LIN54: variants seen among roughly 807,000 people sequenced by gnomAD.
LIN54 encodes lin-54 DREAM MuvB core complex component.
A neutral mutation model predicts 78.7 loss-of-function variants in LIN54; 9 were observed. The ratio of observed to expected loss-of-function variants is 0.11; its 90% CI spans 0.07 to 0.20. The LOEUF (loss-of-function observed/expected upper bound fraction) is 0.20, where lower values mean the gene tolerates loss of function less well. Ranked by LOEUF, LIN54 falls within the 10% of genes least tolerant of loss-of-function variation. The probability of loss-of-function intolerance (pLI) is 1.00; values close to 1 mark genes in which losing one functional copy is unlikely to be tolerated. For missense variants in LIN54, 573 were observed against 889.9 expected (o/e 0.64, Z 4.53); for synonymous variants, 269 against 318.4 (o/e 0.84, Z 1.65).
At chr4:83,001,067 C>A (rs1578656606) in intron 1 of LIN54, among the ~76,000 whole-genome samples, 1 of 152,168 alleles carries the variant, frequency 6.6e-6, no homozygotes, top group African/African-American at 2.4e-5. Flanking sequence ...ATCTGCCCAC[C>A]TTGGCCTCCC....
At chr4:82,946,550 T>C in intron 4 of LIN54, 76 bp from the exon 5 acceptor site, 1 of 1,182,302 alleles carries the variant, frequency 8.5e-7, no homozygotes, top group Non-Finnish European at 1.2e-6. Flanking sequence ...TAACCATTGC[T>C]CAAGTTGTAA....
upstream of LIN54, chr4:83,012,019 C>T: frequency 1.0e-5 from 10 of 985,264 alleles, no homozygotes; most frequent in Non-Finnish European, 1.2e-5. Context: ...ATTTCCCTAC[C>T]TTGTTTCAAT....
chr4:82,994,131 T>A (rs1727986358), intron 1 of LIN54, among the ~76,000 whole-genome samples: 2 of 152,140 alleles, frequency 1.3e-5, no homozygotes, highest in African/African-American at 4.8e-5. Flanking sequence ...TTCCATTAAT[T>A]TCAATACGTT....
chr4:82,925,665 T>TA lies in LIN54; in HGVS notation c.*2436dup, dbSNP rs1721406001. Reference sequence around the variant, plus strand: ...ATAATTTAAAAGGTTTTTTGCATATTAAATGGTTAATAAAGTGGTGTTATT... The same window carrying TA: ...ATAATTTAAAAGGTTTTTTGCATATTAAAATGGTTAATAAAGTGGTGTTATT... On this transcript the variant is annotated 3_prime_UTR_variant, in exon 13 of 13. Transcript: ENST00000340417. The TA allele has an allele frequency of 6.6e-6, 1 of 152,658 alleles. No individual in the cohort carries two copies. Among genetic ancestry groups the TA allele is most frequent in the Non-Finnish European group, 1.5e-5 (1 of 68,040 alleles). 9.5% of individuals were successfully genotyped at this position (152,658 alleles called of 1,614,324 possible).
rs1231072515 is a variant in LIN54, at chr4:82,970,283, A to G, written c.951+44T>C. On this transcript the variant is annotated intron_variant, in intron 4 of 12. Coordinates refer to ENST00000340417, the MANE Select transcript of LIN54 (RefSeq NM_194282.4). ...AAGTGACTAGTAAGAAAATAAAGGC[A>G]TCAACCACAATATTTGGTATTTGTG... is the stretch of plus-strand genomic sequence containing the variant. The G allele has an allele frequency of 3.2e-6, 5 of 1,576,356 alleles. No individual in the cohort carries two copies. The East Asian group carries it at 1.1e-4, about 35-fold the overall frequency.
At chr4:82,947,273 C>T (rs1408836440) in intron 4 of LIN54, among the ~76,000 whole-genome samples, 2 of 118,062 alleles carry the variant, frequency 1.7e-5, no homozygotes, top group Non-Finnish European at 3.3e-5. Flanking sequence ...CATTCTGTCA[C>T]CCAGGCTGGA....
chr4:82,932,686 A>G (rs1722064755), intron 11 of LIN54, among the ~76,000 whole-genome samples: 2 of 150,926 alleles, frequency 1.3e-5, no homozygotes, highest in Admixed American at 6.6e-5. Flanking sequence ...TTAGCCAGGC[A>G]TGGTGGCACA....
intron 3 of LIN54, among the ~76,000 whole-genome samples, chr4:82,975,746 CA>C (rs1050715011): frequency 2.0e-5 from 3 of 149,812 alleles, no homozygotes; most frequent in Non-Finnish European, 3.0e-5. Context: ...AACAAAAAAA[CA>C]AAAAAAACTA....
intron 7 of LIN54, among the ~76,000 whole-genome samples, chr4:82,938,923 T>A (rs1004708014): frequency 6.6e-6 from 1 of 152,216 alleles, no homozygotes; most frequent in South Asian, 2.1e-4. Context: ...AATAGTTGAG[T>A]TTCTATTTTA....
intron 1 of LIN54, among the ~76,000 whole-genome samples, chr4:82,987,290 CA>C (rs1727236657): frequency 2.0e-5 from 3 of 152,002 alleles, no homozygotes; most frequent in Admixed American, 2.0e-4. Context: ...GACTTTGTCT[CA>C]AAAATTTTTT....
chr4:82,966,917 T>C (rs2126067174), intron 4 of LIN54, among the ~76,000 whole-genome samples: 1 of 151,334 alleles, frequency 6.6e-6, no homozygotes, highest in African/African-American at 2.4e-5. Context: ...CCCCGACATC[T>C]GAATCTTTTT....
At chr4:82,948,879 T>C (rs1723619054) in intron 4 of LIN54, among the ~76,000 whole-genome samples, 3 of 152,230 alleles carry the variant, frequency 2.0e-5, no homozygotes, top group Admixed American at 2.0e-4. Flanking sequence ...TTGAATAATA[T>C]TTTATTTTAT....
At chr4:82,931,495 T>C (rs899465326) in intron 11 of LIN54, among the ~76,000 whole-genome samples, 1 of 152,210 alleles carries the variant, frequency 6.6e-6, no homozygotes, top group Admixed American at 6.5e-5. Flanking sequence ...GCCACCTCAA[T>C]CAAATCATCA....
chr4:82,976,318 T>A, intron 3 of LIN54, among the ~76,000 whole-genome samples: 1 of 147,410 alleles, frequency 6.8e-6, no homozygotes, highest in African/African-American at 2.5e-5. Context: ...TACACAAATA[T>A]AAAATCATCT....
chr4:82,967,857 T>C (rs537299972), intron 4 of LIN54, among the ~76,000 whole-genome samples: 1 of 152,194 alleles, frequency 6.6e-6, no homozygotes, highest in South Asian at 2.1e-4. Flanking sequence ...GAAGACAAAA[T>C]CAGAAAGGGA....
chr4:82,930,135 G>T (rs1721832371), intron 12 of LIN54, among the ~76,000 whole-genome samples: 1 of 152,192 alleles, frequency 6.6e-6, no homozygotes, highest in Non-Finnish European at 1.5e-5. Context: ...CTGACCTCAG[G>T]TGATCTGCCC....
chr4:82,933,866 C>T (rs2126030822), intron 11 of LIN54, among the ~76,000 whole-genome samples: 1 of 152,240 alleles, frequency 6.6e-6, no homozygotes. Context: ...TTCATATGCC[C>T]AGCATGTATT....
intron 12 of LIN54, among the ~76,000 whole-genome samples, chr4:82,929,103 G>A (rs1721727878): frequency 6.6e-6 from 1 of 152,210 alleles, no homozygotes; most frequent in African/African-American, 2.4e-5. Flanking sequence ...ACTATGGCAA[G>A]AGAGGGTAAT....
chr4:82,999,797 G>GAAAAAAAAAT (rs1560792522), intron 1 of LIN54, among the ~76,000 whole-genome samples: 2 of 137,698 alleles, frequency 1.5e-5, no homozygotes, highest in African/African-American at 5.5e-5. Flanking sequence ...AAAAAAAAAG[G>GAAAAAAAAAT]CAAGAAAACA....
Sources: allele counts gnomAD v4.1 joint callset (sites outside exome capture counted in the v4.1 genomes callset), GRCh38; gene constraint gnomAD v4.1.1; transcripts MANE v1.5; gene names NCBI Gene and HGNC (gene_info 2026-07-23, HGNC 2026-07-21).